Variants in DIABLO observed in about 807,000 individuals in gnomAD.
DIABLO encodes the protein diablo homolog, mitochondrial.
A neutral mutation model predicts 31.7 loss-of-function variants in DIABLO; 32 were observed. That is an observed-to-expected ratio of 1.01 (90% CI 0.76 to 1.35). DIABLO has a LOEUF of 1.35. Ranked by LOEUF, DIABLO falls within the 40% of genes most tolerant of loss-of-function variation. DIABLO has a pLI of 0.00. For missense variants in DIABLO, 316 were observed against 286.4 expected (o/e 1.10, Z -0.75); for synonymous variants, 132 against 103.2 (o/e 1.28, Z -1.69).
At position 122,208,070 on chromosome 12, in the gene DIABLO, A is replaced by G; in HGVS notation, c.*311T>C. The stretch of plus-strand genomic sequence containing the variant: ...TGCTGAACTTAAGGGCATGACAAAA[A>G]GGACTCCTCTCTCTGACCCAGGTAG... On this transcript the variant is annotated 3_prime_UTR_variant, in exon 6 of 6. Coordinates refer to ENST00000464942, the MANE Select transcript of DIABLO (RefSeq NM_001371333.1). 3.4e-6 allele frequency: 2 copies of G among 587,982 alleles called. No individual in the cohort carries two copies. The highest frequency in any genetic ancestry group is 6.4e-6 in the Non-Finnish European group (2 of 313,648). 36.4% of individuals were successfully genotyped at this position (587,982 alleles called of 1,614,324 possible).
At chr12:122,215,146 G>T (rs142847139) in intron 5 of DIABLO, among the ~76,000 whole-genome samples, 5,596 of 152,246 alleles carry the variant, frequency 0.037, 328 homozygotes, top group African/African-American at 0.12. Flanking sequence ...ACAAAAATTA[G>T]CCAGGCGTGG....
At position 122,207,993 on chromosome 12, in the gene DIABLO, G is replaced by C. The variant is rs1446686496; in HGVS notation, c.*388C>G. 1 of 476,518 alleles carries C rather than the reference G, an allele frequency of 2.1e-6. No individual in the cohort carries two copies. The highest frequency in any genetic ancestry group is 4.1e-6 in the Non-Finnish European group (1 of 242,422). The allele number at this position is 476,518 out of a possible 1,614,324, so 29.5% of individuals were successfully genotyped here. A position where few individuals can be genotyped will look rare whatever the true frequency, so the allele number is the denominator to read the frequency against. On this transcript the variant is annotated 3_prime_UTR_variant, in exon 6 of 6. Transcript: ENST00000464942. ...ACTGGCATCCCAACAGAGGGAACAA[G>C]TACTAAATCATTTTTGACGACGTAA...
chr12:122,207,705 A>C lies in DIABLO; in HGVS notation c.*676T>G, dbSNP rs1452357408. On this transcript the variant is annotated 3_prime_UTR_variant, in exon 6 of 6. Transcript: ENST00000464942. ...GCATTTTCTCTTTCAGATGCAAACA[A>C]AATCTTACACTCTTCTCCTTTGGAT... 5 of 562,912 alleles carry C rather than the reference A, an allele frequency of 8.9e-6. No individual in the cohort carries two copies. The highest frequency in any genetic ancestry group is 7.6e-5 in the South Asian group (5 of 65,406). 34.9% of individuals were successfully genotyped at this position (562,912 alleles called of 1,614,324 possible).
upstream of DIABLO, chr12:122,227,271 A>G (rs976380026): frequency 2.2e-5 from 9 of 412,992 alleles, no homozygotes; most frequent in Non-Finnish European, 4.4e-5. Context: ...GACAGTAGGA[A>G]CCCTACAACA....
At chr12:122,209,964 G>T (rs1954043453) in intron 5 of DIABLO, 1 of 596,934 alleles carries the variant, frequency 1.7e-6, no homozygotes, top group Non-Finnish European at 3.0e-6. Context: ...CTACTACACT[G>T]AAGATGTTTT....
chr12:122,221,303 G>A (rs894966427), intron 2 of DIABLO: 2 of 152,170 alleles, frequency 1.3e-5, no homozygotes, highest in Non-Finnish European at 2.9e-5. Flanking sequence ...TACTTTTGTT[G>A]CAGGGGATGT....
rs1444943723 is a variant in DIABLO at position 122,221,150 on chromosome 12, AATATTAAGTGGCCAAAAAGG to A, written c.184-2773_184-2754del. On this transcript the variant is annotated intron_variant, in intron 2 of 5. Coordinates refer to ENST00000464942, the MANE Select transcript of DIABLO (RefSeq NM_001371333.1). ...ATTATCATCAAATATCAAAATATAC[AATATTAAGTGGCCAAAAAGG>A]AGGAGATAGTTGTTGGACAGGAATA... The A allele has an allele frequency of 7.9e-5, 12 of 152,318 alleles. No individual in the cohort carries two copies. In the South Asian group the frequency reaches 2.5e-3, roughly 32 times the overall value. 9.4% of individuals were successfully genotyped at this position (152,318 alleles called of 1,614,324 possible). A position where few individuals can be genotyped will look rare whatever the true frequency, so the allele number is the denominator to read the frequency against.
At chr12:122,208,974 G>C (rs1419841130) in intron 5 of DIABLO, 1 of 345,612 alleles carries the variant, frequency 2.9e-6, no homozygotes, top group Non-Finnish European at 5.6e-6. Context: ...AATCTTTAAA[G>C]GTAAAGGAAT....
chr12:122,218,475 G>GT (rs1288195927), intron 2 of DIABLO, 78 bp from the exon 3 acceptor site: 10 of 1,582,362 alleles, frequency 6.3e-6, no homozygotes, highest in East Asian at 2.2e-5. Context: ...AGCAAAAAAC[G>GT]TAATTGTCAT....
intron 1 of DIABLO, chr12:122,225,754 G>C (rs1566030506): frequency 4.9e-6 from 7 of 1,438,040 alleles, no homozygotes; most frequent in Non-Finnish European, 6.4e-6. Flanking sequence ...GTTTCTAGAA[G>C]ATGGACGAAC....
upstream of DIABLO, chr12:122,226,226 C>T (rs895141283): frequency 3.8e-6 from 3 of 798,224 alleles, no homozygotes; most frequent in African/African-American, 3.4e-5. Context: ...CCGGAACTTC[C>T]GCGCGGGGCG....
At chr12:122,216,939 A>AGGTGGAAAT in intron 3 of DIABLO, 70 bp from the exon 4 acceptor site, 1 of 1,350,010 alleles carries the variant, frequency 7.4e-7, no homozygotes, top group Non-Finnish European at 1.1e-6. Flanking sequence ...AGAGATTTCC[A>AGGTGGAAAT]CCTCAAGGAA....
chr12:122,210,646 T>TGGGATTA (rs1169738768), intron 5 of DIABLO, among the ~76,000 whole-genome samples: 15 of 152,264 alleles, frequency 9.9e-5, no homozygotes, highest in African/African-American at 3.6e-4. Flanking sequence ...CCCAAAGTGC[T>TGGGATTA]GGGATTACAG....
At chr12:122,217,497 C>G (rs1039740899) in intron 3 of DIABLO, 3 of 153,768 alleles carry the variant, frequency 2.0e-5, no homozygotes, top group Non-Finnish European at 4.3e-5. Flanking sequence ...CCTGCGTAAG[C>G]AAGACTCCAT....
In DIABLO at chr12:122,221,036, A is replaced by G. The variant is rs552778196; in HGVS notation, c.184-2639T>C. ...TCAGAATAGTTATGTAACTTTTCCA[A>G]AAAGTCACATCTAGACCTCAAACCA... On this transcript the variant is annotated intron_variant, in intron 2 of 5. Transcript: ENST00000464942. The G allele has an allele frequency of 2.3e-3, 357 of 152,352 alleles. 1 individual carries two copies. The highest frequency in any genetic ancestry group is 8.2e-3 in the African/African-American group (343 of 41,576). 9.4% of individuals were successfully genotyped at this position (152,352 alleles called of 1,614,324 possible).
chr12:122,222,862 C>T lies in DIABLO; in HGVS notation c.183+1650G>A, dbSNP rs73421709. ...GCTCAGGCAGTAATGCTCACCTGCC[C>T]ACCACTCACCTCCTGCTGTGCAGCT... On this transcript the variant is annotated intron_variant, in intron 2 of 5. Coordinates refer to ENST00000464942, the MANE Select transcript of DIABLO (RefSeq NM_001371333.1). Among the ~76,000 whole-genome samples the T allele has an allele frequency of 7.2e-3, 1,097 of 152,206 alleles. 3 individuals are homozygous for T. Among genetic ancestry groups the T allele is most frequent in the African/African-American group, 0.024 (1,010 of 41,524 alleles).
intron 2 of DIABLO, among the ~76,000 whole-genome samples, chr12:122,218,932 CTAAAA>C (rs1274395080): frequency 2.2e-4 from 24 of 106,790 alleles, no homozygotes; most frequent in African/African-American, 9.0e-4. Flanking sequence ...CAGAGCAAGA[CTAAAA>C]AAAAAAAAAA....
chr12:122,208,391 C>G lies in DIABLO; in HGVS notation c.710G>C (p.Arg237Pro). The change falls in exon 6 of 6, where the codon CGT (arginine) becomes CCT (proline). Residue 237 changes from arginine to proline, a missense_variant. Transcript: ENST00000464942. Reference protein sequence around the residue: ...RAESEQEAYLRED With the variant: ...RAESEQEAYLPED Reference sequence around the variant, plus strand: ...AGTGTGCTCAGGCCCTCAATCCTCACGCAGGTAGGCCTCCTGCTCCGACTC... The same window carrying G: ...AGTGTGCTCAGGCCCTCAATCCTCAGGCAGGTAGGCCTCCTGCTCCGACTC... The G allele has an allele frequency of 1.2e-6, 2 of 1,612,434 alleles. No homozygotes were observed. Among genetic ancestry groups the G allele is most frequent in the East Asian group, 4.5e-5 (2 of 44,890 alleles).
chr12:122,224,490 G>A, intron 2 of DIABLO, 22 bp downstream of exon 2: 1 of 1,613,576 alleles, frequency 6.2e-7, no homozygotes, highest in Non-Finnish European at 8.5e-7. Context: ...CACTAGATAA[G>A]AATCACTGCA....
Sources: gnomAD v4.1 joint callset for allele counts (sites outside exome capture counted in the v4.1 genomes callset) on GRCh38, gnomAD v4.1.1 for gene constraint, MANE v1.5 for transcripts, NCBI Gene and HGNC (gene_info 2026-07-23, HGNC 2026-07-21) for gene names.